USP18: variants seen among roughly 807,000 people sequenced by gnomAD.
USP18 encodes ubl carboxyl-terminal hydrolase 18.
In USP18, 11 loss-of-function variants were observed where a neutral mutation model predicts 48.7. The ratio of observed to expected loss-of-function variants is 0.23; its 90% CI spans 0.14 to 0.37. The LOEUF is 0.37. Among genes scored for constraint, USP18 ranks in the 10% least tolerant of loss-of-function variants. The probability of loss-of-function intolerance (pLI) is 1.00; values close to 1 mark genes in which losing one functional copy is unlikely to be tolerated. For synonymous variants in USP18, 114 were observed against 163.2 expected, an observed-to-expected ratio of 0.70 and a Z score of 2.30; for missense variants, 285 against 436.4, an observed-to-expected ratio of 0.65 and a Z score of 3.09.
intron 6 of USP18, among the ~76,000 whole-genome samples, chr22:18,168,547 C>G (rs1375202729): frequency 2.0e-5 from 3 of 152,178 alleles, no homozygotes; most frequent in Admixed American, 2.0e-4. Context: ...AGGTGCCCAC[C>G]ACCATGCCCA....
Position 18,157,809 on chromosome 22 carries a change from A to G in USP18, c.146A>G (p.Asp49Gly), listed in dbSNP as rs772677859. ...EQPRERPRAW[D>G]YPHGLVGLHN... ...CCCAGAGAGCGTCCCAGGGCCTGGG[A>G]CTACCCTCATGGTCATTAGACCCCT... Residue 49 changes from aspartate to glycine, a missense_variant, in exon 2 of 11, where the codon GAC (aspartate) becomes GGC (glycine). Asp to Gly is a moderately conservative substitution (Grantham distance 94, BLOSUM62 -1). Around this residue, in one of 5 missense-constraint regions of USP18, gnomAD observed 199 missense variants for 239.6 expected, o/e 0.83. Transcript: ENST00000215794. 1 of 1,614,094 alleles carries G rather than the reference A, an allele frequency of 6.2e-7. No individual in the cohort carries two copies. Among genetic ancestry groups the G allele is most frequent in the Non-Finnish European group, 8.5e-7 (1 of 1,179,986 alleles).
chr22:18,153,154 C>T (rs775227054), intron 1 of USP18, among the ~76,000 whole-genome samples: 1 of 152,034 alleles, frequency 6.6e-6, no homozygotes, highest in African/African-American at 2.4e-5. Flanking sequence ...CCAGGCTGGG[C>T]GCGGTGGCTC....
At chr22:18,170,293 T>A (rs1363934576) in intron 7 of USP18, among the ~76,000 whole-genome samples, 1 of 151,994 alleles carries the variant, frequency 6.6e-6, no homozygotes, top group Non-Finnish European at 1.5e-5. Context: ...CCTGATAGAA[T>A]CATCAGAGGC....
intron 10 of USP18, among the ~76,000 whole-genome samples, chr22:18,175,237 G>C (rs1409298680): frequency 6.6e-6 from 1 of 152,184 alleles, no homozygotes; most frequent in African/African-American, 2.4e-5. Context: ...CCGAGGAGAA[G>C]CTGGAGAGAA....
intron 2 of USP18, among the ~76,000 whole-genome samples, chr22:18,159,151 G>T (rs1264470749): frequency 6.6e-6 from 1 of 152,122 alleles, no homozygotes; most frequent in Admixed American, 6.6e-5. Context: ...TGCCTGCCAG[G>T]TTCAAGCAGT....
At chr22:18,173,717 G>C in intron 9 of USP18, 76 bp from the exon 10 acceptor site, 1 of 1,593,796 alleles carries the variant, frequency 6.3e-7, no homozygotes, top group Non-Finnish European at 8.6e-7. Flanking sequence ...AGGATGAGGG[G>C]CACATTATAG....
chr22:18,157,926 C>T lies in USP18; in HGVS notation c.157+106C>T, dbSNP rs1602521729. ...CTTTGTATTCGACGGCTCATGCTTT[C>T]CTGTGCCTGAGTTTCTGCATCTTTT... is the stretch of plus-strand genomic sequence containing the variant. On this transcript the variant is annotated intron_variant, in intron 2 of 10. Transcript: ENST00000215794. 4.1e-6 allele frequency: 6 copies of T among 1,453,982 alleles called. No individual in the cohort carries two copies. The East Asian group carries it at 1.4e-4, about 34-fold the overall frequency. The allele number at this position is 1,453,982 out of a possible 1,614,324, so 90.1% of individuals were successfully genotyped here. A position where few individuals can be genotyped will look rare whatever the true frequency, so the allele number is the denominator to read the frequency against.
intron 1 of USP18, among the ~76,000 whole-genome samples, chr22:18,156,854 C>G (rs896795492): frequency 6.6e-6 from 1 of 152,248 alleles, no homozygotes; most frequent in African/African-American, 2.4e-5. Context: ...AGACCAAGCA[C>G]CCACCAATTC....
chr22:18,169,490 C>T (rs1230235998), intron 6 of USP18, among the ~76,000 whole-genome samples: 8 of 152,314 alleles, frequency 5.3e-5, no homozygotes, highest in East Asian at 1.9e-4. Context: ...GCAGGAGAAT[C>T]GCTTGAACCC....
At chr22:18,174,352 T>C (rs909871496) in intron 10 of USP18, among the ~76,000 whole-genome samples, 1 of 151,672 alleles carries the variant, frequency 6.6e-6, no homozygotes, top group Non-Finnish European at 1.5e-5. Context: ...CTCAGCCTCC[T>C]GAGTAGCTGG....
chr22:18,162,325 G>A (rs1423279249), intron 4 of USP18, among the ~76,000 whole-genome samples: 1 of 147,798 alleles, frequency 6.8e-6, no homozygotes. Context: ...ATTGGGTTGT[G>A]CATCACATAC....
intron 10 of USP18, 117 bp downstream of exon 10, chr22:18,173,959 C>T: frequency 6.8e-7 from 1 of 1,466,080 alleles, no homozygotes; most frequent in Admixed American, 1.9e-5. Context: ...CTGTCCGCCT[C>T]ATCTCCAGCA....
chr22:18,169,966 CT>C, intron 7 of USP18, 27 bp downstream of exon 7: 3 of 1,556,690 alleles, frequency 1.9e-6, no homozygotes, highest in Non-Finnish European at 2.6e-6. Flanking sequence ...TCAGACTCAG[CT>C]GTCCCTCGGT....
At chr22:18,151,747 A>G (rs1929004760) in intron 1 of USP18, among the ~76,000 whole-genome samples, 1 of 151,958 alleles carries the variant, frequency 6.6e-6, no homozygotes, top group East Asian at 1.9e-4. Flanking sequence ...TAACCCGCAT[A>G]TTACGATTAC....
At chr22:18,152,459 CAA>C (rs34118953) in intron 1 of USP18, among the ~76,000 whole-genome samples, 152 of 126,994 alleles carry the variant, frequency 1.2e-3, no homozygotes, top group African/African-American at 1.4e-3. Context: ...GAACGTGAAC[CAA>C]AAAAAAAAAA....
intron 3 of USP18, among the ~76,000 whole-genome samples, chr22:18,160,757 A>G (rs373974750): frequency 1.7e-4 from 25 of 149,438 alleles, no homozygotes; most frequent in South Asian, 1.3e-3. Context: ...GTGCGACCCA[A>G]GTATTGGTAC....
chr22:18,160,359 G>T, intron 3 of USP18, 91 bp downstream of exon 3: 1 of 1,476,636 alleles, frequency 6.8e-7, no homozygotes, highest in Admixed American at 1.7e-5. Flanking sequence ...AGGCTGGAGT[G>T]CAGTGGCATG....
At position 18,173,835 on chromosome 22, in the gene USP18, T is replaced by G; in HGVS notation, c.1066T>G (p.Tyr356Asp). The G allele has an allele frequency of 6.2e-7, 1 of 1,601,914 alleles. No individual in the cohort carries two copies. The highest frequency in any genetic ancestry group is 8.5e-7 in the Non-Finnish European group (1 of 1,170,586). The stretch of plus-strand genomic sequence containing the variant: ...CCAGTGTACCTACGGAAATCCTAAC[T>G]ACCACTGGTAAGAAACAGATTTGGG... The part of the protein sequence containing the change: ...DIQCTYGNPN[Y>D]HWQETAYLLV... The change falls in exon 10 of 11, where the codon TAC becomes GAC. Residue 356 changes from tyrosine to aspartate, a missense_variant. Tyr to Asp is a radical substitution (Grantham distance 160). Coordinates refer to ENST00000215794, the MANE Select transcript of USP18 (RefSeq NM_017414.4).
At chr22:18,157,982 A>T (rs1340769234) in intron 2 of USP18, among the ~76,000 whole-genome samples, 162 bp downstream of exon 2, 1 of 151,910 alleles carries the variant, frequency 6.6e-6, no homozygotes, top group East Asian at 1.9e-4. Context: ...CCATAGTGAA[A>T]CCCTATCTGT....
Sources: allele counts gnomAD v4.1 joint callset (sites outside exome capture counted in the v4.1 genomes callset), GRCh38; gene constraint gnomAD v4.1.1; regional missense constraint gnomAD v4.1.1; transcripts MANE v1.5; gene names NCBI Gene and HGNC (gene_info 2026-07-23, HGNC 2026-07-21).